The following TMF1 variants were observed in gnomAD, a reference collection of about 807,000 sequenced individuals.
TMF1 encodes TATA element modulatory factor.
In TMF1, 71 loss-of-function variants were observed where a neutral mutation model predicts 126.5. The ratio of observed to expected loss-of-function variants is 0.56; its 90% confidence interval spans 0.46 to 0.68. The LOEUF is 0.68. Ranked by LOEUF, TMF1 falls within the 30% of genes least tolerant of loss-of-function variation. The probability of loss-of-function intolerance (pLI) is 0.00; values close to 1 mark genes in which losing one functional copy is unlikely to be tolerated. For synonymous variants in TMF1, 461 were observed against 430.5 expected, an observed-to-expected ratio of 1.07 and a Z score of -0.88; for missense variants, 1,259 against 1,253.2, an observed-to-expected ratio of 1.00 and a Z score of -0.07.
At chr3:69,044,078 T>C (rs549210657) in intron 3 of TMF1, among the ~76,000 whole-genome samples, 2 of 152,284 alleles carry the variant, frequency 1.3e-5, no homozygotes, top group South Asian at 4.1e-4. Context: ...AAAGAAAATC[T>C]GTTAGAAAGA....
At position 69,022,453 on chromosome 3, in the gene TMF1, C is replaced by T. The variant is rs981773860; in HGVS notation, c.*724G>A. ...ATTATAAATAAATTTTCTCCATTAT[C>T]CAATCACATCTAGATAACATTGAAT... is the stretch of plus-strand genomic sequence containing the variant. On this transcript the variant is annotated 3_prime_UTR_variant, in exon 17 of 17. Coordinates refer to ENST00000398559, the MANE Select transcript of TMF1 (RefSeq NM_007114.3). 6.6e-6 allele frequency: 1 copy of T among 152,456 alleles called. No homozygotes were observed. Among genetic ancestry groups the T allele is most frequent in the Non-Finnish European group, 1.5e-5 (1 of 67,956 alleles). 9.4% of individuals were successfully genotyped at this position (152,456 alleles called of 1,614,324 possible).
At chr3:69,032,315 C>T (rs1453219865) in intron 10 of TMF1, among the ~76,000 whole-genome samples, 1 of 152,200 alleles carries the variant, frequency 6.6e-6, no homozygotes. Flanking sequence ...ATATAAGTGA[C>T]TTGTTCCACA....
chr3:69,048,652 T>A (rs2091910009), intron 1 of TMF1, 90 bp from the exon 2 acceptor site: 2 of 1,183,294 alleles, frequency 1.7e-6, no homozygotes, highest in Admixed American at 6.4e-5. Flanking sequence ...AATATAAATT[T>A]AGAAAAAATA....
chr3:69,042,552 C>G, intron 5 of TMF1: 1 of 583,990 alleles, frequency 1.7e-6, no homozygotes, highest in Non-Finnish European at 3.2e-6. Flanking sequence ...TTTCTTAGGG[C>G]AGCACAAATT....
Position 69,044,601 on chromosome 3 carries a change from T to C in TMF1, c.1348-6A>G. 2 of 1,584,076 alleles carry C rather than the reference T, an allele frequency of 1.3e-6. No homozygotes were observed. Among genetic ancestry groups the C allele is most frequent in the Non-Finnish European group, 1.7e-6 (2 of 1,160,342 alleles). On this transcript the variant is annotated splice_polypyrimidine_tract_variant and splice_region_variant and intron_variant, in intron 2 of 16. Coordinates refer to ENST00000398559, the MANE Select transcript of TMF1 (RefSeq NM_007114.3). ...TCATTCAGAAATTCAACTGTCTGGA[T>C]AAGGCGAATACATAAAAGTCAGAAC...
At chr3:69,045,839 C>T (rs993820154) in intron 2 of TMF1, among the ~76,000 whole-genome samples, 7 of 152,040 alleles carry the variant, frequency 4.6e-5, no homozygotes, top group African/African-American at 1.7e-4. Flanking sequence ...ATGGGAAGAC[C>T]GCTTGAGCCC....
rs769738701 is a variant in TMF1, at chr3:69,038,823, A to G, written c.1994+20T>C. On this transcript the variant is annotated intron_variant, in intron 7 of 16. Coordinates refer to ENST00000398559, the MANE Select transcript of TMF1 (RefSeq NM_007114.3). The stretch of plus-strand genomic sequence containing the variant: ...TGATAATTCATTCTAAATGGGTTGC[A>G]TATTTGTTCATTTTCTTACTTGTAT... 2.5e-6 allele frequency: 4 copies of G among 1,582,142 alleles called. No homozygotes were observed. The highest frequency in any genetic ancestry group is 3.7e-5 in the Admixed American group (2 of 53,452).
Position 69,028,350 on chromosome 3 carries a change from G to A in TMF1, c.2595-55C>T. 2.4e-6 allele frequency: 3 copies of A among 1,259,502 alleles called. No individual in the cohort carries two copies. The African/African-American group carries it at 4.5e-5, about 19-fold the overall frequency. The allele number at this position is 1,259,502 out of a possible 1,614,324, so 78.0% of individuals were successfully genotyped here. Reference sequence around the variant, plus strand: ...AGAAAATGAAAAAGATGCTAGTATAGACTATTAAAAACTCAGTACTTTATT... The same window carrying A: ...AGAAAATGAAAAAGATGCTAGTATAAACTATTAAAAACTCAGTACTTTATT... On this transcript the variant is annotated intron_variant, in intron 11 of 16. Transcript: ENST00000398559.
rs548063706 is a variant in TMF1, at chr3:69,023,314, C to G, written c.3145G>C (p.Asp1049His). 3 of 1,603,968 alleles carry G rather than the reference C, an allele frequency of 1.9e-6. No homozygotes were observed. The highest frequency in any genetic ancestry group is 2.5e-6 in the Non-Finnish European group (3 of 1,176,672). Residue 1049 changes from aspartate to histidine, a missense_variant, in exon 17 of 17, where the codon GAT becomes CAT. Physicochemically the swap from Asp to His is moderately conservative, Grantham distance 81. Transcript: ENST00000398559. ...PKLRTQLRDL[D>H]QRYNTILQMY... ...TGCAGAATAGTGTTGTACCTTTGAT[C>G]CAAATCCTGAAAAATGTATTTGTTT...
intron 11 of TMF1, among the ~76,000 whole-genome samples, chr3:69,028,854 G>A (rs752776857): frequency 3.9e-5 from 6 of 151,908 alleles, no homozygotes; most frequent in Non-Finnish European, 7.4e-5. Context: ...TAATATAAAA[G>A]TAACTCCAAA....
chr3:69,020,571 C>G lies in TMF1; in HGVS notation c.*2606G>C, dbSNP rs1205377770. The stretch of plus-strand genomic sequence containing the variant: ...CCATTAAAATATAAATATTATTTTG[C>G]AAGAATATGGGTAGAGATGTTTTAA... On this transcript the variant is annotated 3_prime_UTR_variant, in exon 17 of 17. Coordinates refer to ENST00000398559, the MANE Select transcript of TMF1 (RefSeq NM_007114.3). 1.3e-5 allele frequency: 2 copies of G among 151,942 alleles called. No homozygotes were observed. The highest frequency in any genetic ancestry group is 2.9e-5 in the Non-Finnish European group (2 of 67,954). 9.4% of individuals were successfully genotyped at this position (151,942 alleles called of 1,614,324 possible).
intron 10 of TMF1, among the ~76,000 whole-genome samples, chr3:69,032,446 G>A (rs2091808091): frequency 6.6e-6 from 1 of 152,096 alleles, no homozygotes; most frequent in South Asian, 2.1e-4. Flanking sequence ...AGGCGTAGAA[G>A]GCATACATGA....
At chr3:69,030,713 T>A (rs1054170401) in intron 10 of TMF1, 2 of 151,828 alleles carry the variant, frequency 1.3e-5, no homozygotes, top group Non-Finnish European at 2.9e-5. Context: ...AGGGAAAAAA[T>A]ACAAATTAAA....
At chr3:69,046,660 A>G (rs2091897670) in intron 2 of TMF1, among the ~76,000 whole-genome samples, 2 of 152,224 alleles carry the variant, frequency 1.3e-5, no homozygotes, top group Non-Finnish European at 1.5e-5. Context: ...ACTAGGACTT[A>G]ATGTCAAAGA....
chr3:69,039,420 T>C lies in TMF1; in HGVS notation c.1827+131A>G, dbSNP rs1036522764. ...CTCGGCTAAAAAATCTTATCATTTA[T>C]CTATTGTTTGAAAAATCCTTCTTAC... On this transcript the variant is annotated intron_variant, in intron 6 of 16. Coordinates refer to ENST00000398559, the MANE Select transcript of TMF1 (RefSeq NM_007114.3). 5.7e-6 allele frequency: 6 copies of C among 1,047,244 alleles called. No homozygotes were observed. In the African/African-American group the frequency reaches 8.3e-5, roughly 14 times the overall value. The allele number at this position is 1,047,244 out of a possible 1,614,324, so 64.9% of individuals were successfully genotyped here.
chr3:69,032,351 G>C (rs536668011), intron 10 of TMF1, among the ~76,000 whole-genome samples: 14 of 152,258 alleles, frequency 9.2e-5, no homozygotes, highest in Non-Finnish European at 1.6e-4. Flanking sequence ...ATTCAAAACA[G>C]AATACCCTGA....
intron 1 of TMF1, among the ~76,000 whole-genome samples, chr3:69,051,160 T>C (rs2091925839): frequency 6.6e-6 from 1 of 152,104 alleles, no homozygotes; most frequent in African/African-American, 2.4e-5. Flanking sequence ...CCAAGCTCTC[T>C]CTGGGAGTTG....
At chr3:69,023,977 A>C in intron 16 of TMF1, 78 bp downstream of exon 16, 1 of 1,340,608 alleles carries the variant, frequency 7.5e-7, no homozygotes, top group Admixed American at 2.7e-5. Context: ...ACTAACACAT[A>C]CTATAAATTA....
rs140452294 is a variant in TMF1, at chr3:69,030,999, C to T, written c.2402-992G>A. 3.0e-4 allele frequency among the ~76,000 whole-genome samples: 45 copies of T among 152,228 alleles called. No homozygotes were observed. The East Asian group carries it at 7.7e-3, about 26-fold the overall frequency. On this transcript the variant is annotated intron_variant, in intron 10 of 16. Coordinates refer to ENST00000398559, the MANE Select transcript of TMF1 (RefSeq NM_007114.3). ...AGCCAGAGCTTGGAATCAGCCTGGA[C>T]GTCCCTTGTGCAGTGAATGGTTAAA... is the stretch of plus-strand genomic sequence containing the variant.
Sources: allele counts gnomAD v4.1 joint callset (sites outside exome capture counted in the v4.1 genomes callset), GRCh38; gene constraint gnomAD v4.1.1; transcripts MANE v1.5; gene names NCBI Gene and HGNC (gene_info 2026-07-23, HGNC 2026-07-21).